The following RUBCN variants were observed in gnomAD, a reference collection of about 807,000 sequenced individuals.
RUBCN encodes run domain Beclin-1-interacting and cysteine-rich domain-containing protein.
In RUBCN, 74 loss-of-function variants were observed where a neutral mutation model predicts 113.2. That is an observed-to-expected ratio of 0.65 (90% CI 0.54 to 0.79). The LOEUF is 0.79. Ranked by LOEUF, RUBCN falls within the 30% of genes least tolerant of loss-of-function variation. The pLI, the probability that RUBCN is intolerant of heterozygous loss-of-function variation, is 0.00. For missense variants in RUBCN, 1,109 were observed against 1,251.7 expected (o/e 0.89, Z 1.72); for synonymous variants, 480 against 490.0 (o/e 0.98, Z 0.27).
intron 2 of RUBCN, among the ~76,000 whole-genome samples, chr3:197,715,149 CG>C (rs1580320753): frequency 1.3e-5 from 2 of 151,674 alleles, no homozygotes; most frequent in East Asian, 3.9e-4. Context: ...ACTGGCTGGG[CG>C]TGGTGGTGCA....
At chr3:197,711,631 G>A (rs181198843) in intron 2 of RUBCN, among the ~76,000 whole-genome samples, 309 of 152,064 alleles carry the variant, frequency 2.0e-3, no homozygotes, top group Non-Finnish European at 1.9e-3. Context: ...CCAGGAGCTT[G>A]AGACCAGCCT....
intron 1 of RUBCN, among the ~76,000 whole-genome samples, chr3:197,722,114 G>A (rs748191831): frequency 1.6e-4 from 25 of 151,972 alleles, no homozygotes; most frequent in African/African-American, 5.3e-4. Flanking sequence ...GTGGTGGTGC[G>A]TGCATGTAAT....
chr3:197,681,816 G>A lies in RUBCN; in HGVS notation c.2191+19C>T, dbSNP rs755670660. ...ACAGAGCCTCTGGAGGCAGCATGGT[G>A]GGAAGGGAAGGCACTCACCAGGGTC... On this transcript the variant is annotated intron_variant, in intron 15 of 19. Transcript: ENST00000296343. This position sits in a 1 kb window ranked among gnomAD's most constrained non-coding sequence, Gnocchi z 5.5. 10 of 1,610,426 alleles carry A rather than the reference G, an allele frequency of 6.2e-6. No homozygotes were observed. The South Asian group carries it at 1.1e-4, about 18-fold the overall frequency.
intron 2 of RUBCN, among the ~76,000 whole-genome samples, chr3:197,706,583 C>G (rs185520972): frequency 8.5e-5 from 13 of 152,078 alleles, no homozygotes; most frequent in Non-Finnish European, 1.6e-4. Context: ...GCTTGGGAGG[C>G]TGAGGTGGGA....
At chr3:197,723,156 T>C (rs1249602031) in intron 1 of RUBCN, among the ~76,000 whole-genome samples, 1 of 152,184 alleles carries the variant, frequency 6.6e-6, no homozygotes, top group Non-Finnish European at 1.5e-5. Context: ...ATTTTGTAGT[T>C]ATAAAAAGTT....
chr3:197,739,551 C>G (rs775849817), upstream of RUBCN, among the ~76,000 whole-genome samples: 27 of 151,804 alleles, frequency 1.8e-4, no homozygotes, highest in Non-Finnish European at 4.0e-4. Flanking sequence ...AAAAAATTAG[C>G]CGGGCGTGGT....
upstream of RUBCN, chr3:197,737,082 A>G (rs1728239741): frequency 2.3e-6 from 1 of 436,258 alleles, no homozygotes; most frequent in Non-Finnish European, 3.4e-6. Context: ...CGCGCCCTCC[A>G]ATCCCAGGCC....
chr3:197,744,300 G>C (rs555347770), intron 1 of RUBCN, among the ~76,000 whole-genome samples: 1 of 152,128 alleles, frequency 6.6e-6, no homozygotes, highest in South Asian at 2.1e-4. Flanking sequence ...GACCAAGTAG[G>C]TTTATCCCAA....
intron 18 of RUBCN, 59 bp downstream of exon 18, chr3:197,676,826 C>A (rs191470662): frequency 1.9e-6 from 3 of 1,612,744 alleles, no homozygotes; most frequent in African/African-American, 1.3e-5. Flanking sequence ...AGGTCCACCC[C>A]CCTCCCTGTA....
chr3:197,701,727 G>A lies in RUBCN; in HGVS notation c.708C>T (p.Ser236=), dbSNP rs765866013. The change falls in exon 6 of 20, where the codon TCC becomes TCT. Residue 236 remains serine (S), a synonymous_variant. Coordinates refer to ENST00000296343, the MANE Select transcript of RUBCN (RefSeq NM_014687.4). ...YFGSFSSLHQ[S]VPNNGSERRS... is the part of the protein sequence containing the mutation. Reference sequence around the variant, plus strand: ...CCATACCTGAGCCATTGTTGGGCACGGATTGGTGGAGGCTAGAGAAGGACC... The same window carrying A: ...CCATACCTGAGCCATTGTTGGGCACAGATTGGTGGAGGCTAGAGAAGGACC... 1.7e-5 allele frequency: 27 copies of A among 1,614,068 alleles called. No individual in the cohort carries two copies. The highest frequency in any genetic ancestry group is 1.2e-4 in the South Asian group (11 of 91,076).
rs1172009695 is a variant in RUBCN, at chr3:197,675,627, A to C, written c.2647-112T>G. 2.4e-6 allele frequency: 2 copies of C among 827,532 alleles called. No individual in the cohort carries two copies. The highest frequency in any genetic ancestry group is 4.2e-6 in the Non-Finnish European group (2 of 481,252). 51.3% of individuals were successfully genotyped at this position (827,532 alleles called of 1,614,324 possible). A position where few individuals can be genotyped will look rare whatever the true frequency, so the allele number is the denominator to read the frequency against. On this transcript the variant is annotated intron_variant, in intron 18 of 19. Coordinates refer to ENST00000296343, the MANE Select transcript of RUBCN (RefSeq NM_014687.4). The surrounding 1 kb of genome is among the most constrained non-coding windows in gnomAD (Gnocchi z 4.4). ...CTACAGGGTTCTGCTGCCCACAGGG[A>C]GGAGGCCTGGGCTGGACTCAGAAGC... is the stretch of plus-strand genomic sequence containing the variant.
chr3:197,715,628 A>C (rs1725440185), intron 2 of RUBCN, among the ~76,000 whole-genome samples: 1 of 152,186 alleles, frequency 6.6e-6, no homozygotes, highest in Admixed American at 6.5e-5. Context: ...GAGGAAACTA[A>C]GGCACAAAGA....
chr3:197,676,775 C>A, intron 18 of RUBCN, 110 bp downstream of exon 18: 2 of 1,590,694 alleles, frequency 1.3e-6, no homozygotes, highest in Non-Finnish European at 1.7e-6. Flanking sequence ...CCAGTGCTGA[C>A]TGGCCATTTC....
At chr3:197,737,494 G>A (rs1728277109), upstream of RUBCN, among the ~76,000 whole-genome samples, 1 of 151,890 alleles carries the variant, frequency 6.6e-6, no homozygotes, top group South Asian at 2.1e-4. Flanking sequence ...GGTGGAGAGA[G>A]CAACACGGCA....
intron 1 of RUBCN, among the ~76,000 whole-genome samples, chr3:197,735,314 G>T (rs569335926): frequency 6.6e-6 from 1 of 152,330 alleles, no homozygotes; most frequent in Admixed American, 6.5e-5. Flanking sequence ...TAGTATAATC[G>T]CTTGAGCCCA....
intron 1 of RUBCN, among the ~76,000 whole-genome samples, chr3:197,732,157 T>TGCCA (rs1727583869): frequency 6.6e-6 from 1 of 152,184 alleles, no homozygotes; most frequent in Non-Finnish European, 1.5e-5. Context: ...TGGATCACGG[T>TGCCA]GCCAGGAGCA....
chr3:197,681,054 C>T lies in RUBCN; in HGVS notation c.2430+75G>A, dbSNP rs557323549. The T allele has an allele frequency of 7.8e-3, 4,502 of 578,910 alleles. 39 individuals are homozygous for T. The highest frequency in any genetic ancestry group is 0.023 in the South Asian group (1,220 of 52,366). 35.9% of individuals were successfully genotyped at this position (578,910 alleles called of 1,614,324 possible). A position where few individuals can be genotyped will look rare whatever the true frequency, so the allele number is the denominator to read the frequency against. ...AAGAGGAGGGGATGGGGGGAGGGGA[C>T]GGGGGAGGGACGAGGGGAGGGGATG... On this transcript the variant is annotated intron_variant, in intron 16 of 19. Transcript: ENST00000296343. This position sits in a 1 kb window ranked among gnomAD's most constrained non-coding sequence, Gnocchi z 5.5.
At chr3:197,700,361 T>TAGTAAA in intron 7 of RUBCN, 1 of 582,192 alleles carries the variant, frequency 1.7e-6, no homozygotes, top group Non-Finnish European at 3.0e-6. Context: ...CGCTATCCTC[T>TAGTAAA]GATGTTACCA....
Position 197,705,062 on chromosome 3 carries a change from C to T in RUBCN, c.303+30G>A, listed in dbSNP as rs200803416. The T allele has an allele frequency of 8.7e-5, 136 of 1,564,564 alleles. No individual in the cohort carries two copies. In the African/African-American group the frequency reaches 1.8e-3, roughly 20 times the overall value. On this transcript the variant is annotated intron_variant, in intron 3 of 19. Coordinates refer to ENST00000296343, the MANE Select transcript of RUBCN (RefSeq NM_014687.4). The stretch of plus-strand genomic sequence containing the variant: ...CAAACAGTGAAGACCCACAGCTCTG[C>T]CAGCACAGCCGCTCTGCTCTCACTC...
Sources: gnomAD v4.1 joint callset for allele counts (sites outside exome capture counted in the v4.1 genomes callset) on GRCh38, gnomAD v4.1.1 for gene constraint, Gnocchi (gnomAD v3.1) non-coding constraint, MANE v1.5 for transcripts, NCBI Gene and HGNC (gene_info 2026-07-23, HGNC 2026-07-21) for gene names.